Variants in DCDC1 observed in about 807,000 individuals in gnomAD.
DCDC1 encodes the protein doublecortin domain-containing protein 1.
In DCDC1, 200 loss-of-function variants were observed where a neutral mutation model predicts 178.3. That is an observed-to-expected ratio of 1.12 (90% CI 1.00 to 1.26). The LOEUF (loss-of-function observed/expected upper bound fraction) is 1.26. Among genes scored for constraint, DCDC1 ranks in the 50% most tolerant of loss-of-function variants. The pLI is 0.00. For missense variants in DCDC1, 1,983 were observed against 1,749.2 expected (o/e 1.13, Z -2.38); for synonymous variants, 690 against 604.8 (o/e 1.14, Z -2.07).
intron 2 of DCDC1, among the ~76,000 whole-genome samples, chr11:31,332,798 C>T (rs1011272233): frequency 2.0e-5 from 3 of 152,230 alleles, no homozygotes; most frequent in African/African-American, 7.2e-5. Context: ...TTTTAACTTC[C>T]AACTATGTGG....
At chr11:31,233,053 AC>A (rs1975998702) in intron 9 of DCDC1, among the ~76,000 whole-genome samples, 1 of 151,160 alleles carries the variant, frequency 6.6e-6, no homozygotes, top group South Asian at 2.1e-4. Flanking sequence ...GTGCCACTGC[AC>A]TCCAGCCTGG....
In DCDC1 at chr11:30,960,170, A is replaced by G. The variant is rs144358399; in HGVS notation, c.2592-7602T>C. On this transcript the variant is annotated intron_variant, in intron 20 of 38. Transcript: ENST00000684477. ...TGGGGATGGAATTTAATCTTCAAGT[A>G]TAAATATATAATAGAACAACTATAT... 3.3e-5 allele frequency among the ~76,000 whole-genome samples: 5 copies of G among 152,298 alleles called. No homozygotes were observed. In the East Asian group the frequency reaches 9.6e-4, roughly 29 times the overall value.
intron 36 of DCDC1, among the ~76,000 whole-genome samples, chr11:30,888,996 C>T (rs1311702473): frequency 3.9e-5 from 6 of 152,292 alleles, no homozygotes; most frequent in African/African-American, 1.4e-4. Flanking sequence ...GAGGTACTTG[C>T]CTATCCAAAT....
intron 22 of DCDC1, among the ~76,000 whole-genome samples, chr11:30,925,731 T>C (rs1946549408): frequency 6.6e-6 from 1 of 152,218 alleles, no homozygotes; most frequent in Non-Finnish European, 1.5e-5. Flanking sequence ...CACACTGCTA[T>C]TGACTTTTAG....
intron 9 of DCDC1, among the ~76,000 whole-genome samples, chr11:31,154,001 G>A (rs1021561714): frequency 1.3e-5 from 2 of 152,130 alleles, no homozygotes; most frequent in Non-Finnish European, 2.9e-5. Flanking sequence ...GAGGGACCTG[G>A]TGGGAGGCGA....
At chr11:31,308,991 C>T (rs189025933) in intron 3 of DCDC1, among the ~76,000 whole-genome samples, 47 of 151,924 alleles carry the variant, frequency 3.1e-4, no homozygotes, top group South Asian at 6.2e-4. Flanking sequence ...AGGGATTGCC[C>T]CTCCTCCAAA....
At chr11:31,111,332 G>T (rs977371094) in intron 11 of DCDC1, among the ~76,000 whole-genome samples, 2 of 151,140 alleles carry the variant, frequency 1.3e-5, no homozygotes. Flanking sequence ...TTTTGAGAAA[G>T]TTTTTGAAAT....
chr11:31,187,508 CA>C (rs918796934), intron 9 of DCDC1, among the ~76,000 whole-genome samples: 1 of 150,418 alleles, frequency 6.6e-6, no homozygotes, highest in Non-Finnish European at 1.5e-5. Flanking sequence ...AACAAACAAA[CA>C]AAAAAAAACT....
chr11:31,362,561 T>C (rs1358681466), intron 1 of DCDC1, among the ~76,000 whole-genome samples: 1 of 152,166 alleles, frequency 6.6e-6, no homozygotes, highest in Admixed American at 6.5e-5. Flanking sequence ...TGCTTTGTAA[T>C]GGGCTTGAAA....
At chr11:30,991,134 G>T (rs1950954996) in intron 20 of DCDC1, among the ~76,000 whole-genome samples, 1 of 152,128 alleles carries the variant, frequency 6.6e-6, no homozygotes, top group Admixed American at 6.6e-5. Flanking sequence ...GAGGAGGCTG[G>T]CTTGAAACAG....
At chr11:31,259,724 T>C (rs182953094) in intron 8 of DCDC1, among the ~76,000 whole-genome samples, 37 of 152,322 alleles carry the variant, frequency 2.4e-4, no homozygotes, top group Admixed American at 2.3e-3. Flanking sequence ...CTGTAACTAA[T>C]GCCTTAATGG....
At chr11:31,204,173 A>T (rs1410727274) in intron 9 of DCDC1, among the ~76,000 whole-genome samples, 31 of 152,194 alleles carry the variant, frequency 2.0e-4, no homozygotes, top group Admixed American at 1.8e-3. Context: ...AGCCAACCAC[A>T]GCATGCCATT....
chr11:31,262,404 C>T (rs1216557806), intron 8 of DCDC1, among the ~76,000 whole-genome samples: 1 of 152,138 alleles, frequency 6.6e-6, no homozygotes, highest in East Asian at 1.9e-4. Context: ...GCTTATTTCT[C>T]ATAGCATAGA....
At chr11:31,291,028 A>G (rs1947192911) in intron 6 of DCDC1, among the ~76,000 whole-genome samples, 176 bp from the exon 7 acceptor site, 1 of 152,060 alleles carries the variant, frequency 6.6e-6, no homozygotes, top group Non-Finnish European at 1.5e-5. Context: ...AGCTGTAGCA[A>G]GCTGTCTGCT....
intron 20 of DCDC1, among the ~76,000 whole-genome samples, chr11:30,957,001 A>T (rs1044291770): frequency 6.6e-6 from 1 of 152,064 alleles, no homozygotes; most frequent in Non-Finnish European, 1.5e-5. Context: ...TGGTCAGAAG[A>T]CTTTCCTCAT....
At chr11:31,244,065 A>G (rs1977523645) in intron 8 of DCDC1, among the ~76,000 whole-genome samples, 1 of 151,852 alleles carries the variant, frequency 6.6e-6, no homozygotes, top group African/African-American at 2.4e-5. Flanking sequence ...GAAGGTACAG[A>G]AAACATAAGA....
intron 1 of DCDC1, among the ~76,000 whole-genome samples, chr11:31,355,133 TA>T (rs1951273519): frequency 6.6e-6 from 1 of 152,130 alleles, no homozygotes; most frequent in Non-Finnish European, 1.5e-5. Flanking sequence ...GAGTGGTGCT[TA>T]AAATATAAGT....
chr11:31,185,849 C>G (rs767821723), intron 9 of DCDC1, among the ~76,000 whole-genome samples: 20 of 152,146 alleles, frequency 1.3e-4, no homozygotes, highest in Non-Finnish European at 1.6e-4. Context: ...CTGATCCTGT[C>G]AATACACTGA....
intron 20 of DCDC1, among the ~76,000 whole-genome samples, chr11:30,961,305 A>G (rs1159967585): frequency 1.3e-5 from 2 of 152,144 alleles, no homozygotes; most frequent in Admixed American, 1.3e-4. Flanking sequence ...AGTCTTTTTC[A>G]TATTGTATCA....
Sources: allele counts gnomAD v4.1 joint callset (sites outside exome capture counted in the v4.1 genomes callset), GRCh38; gene constraint gnomAD v4.1.1; transcripts MANE v1.5; gene names NCBI Gene and HGNC (gene_info 2026-07-23, HGNC 2026-07-21).